The following DIP2B variants were observed in gnomAD, a reference collection of about 807,000 sequenced individuals.
DIP2B encodes DIP2 acetate--CoA ligase B (putative), also known as disco-interacting protein 2 homolog B.
DIP2B carries 76 observed loss-of-function variants against 198.0 expected under a neutral mutation model. The ratio of observed to expected loss-of-function variants is 0.38; its 90% confidence interval spans 0.32 to 0.46. The LOEUF is 0.46. Ranked by LOEUF, DIP2B falls within the 20% of genes least tolerant of loss-of-function variation. The probability of loss-of-function intolerance (pLI) is 0.99; values close to 1 mark genes in which losing one functional copy is unlikely to be tolerated. For synonymous variants in DIP2B, 701 were observed against 739.1 expected, an observed-to-expected ratio of 0.95 and a Z score of 0.84; for missense variants, 1,559 against 1,978.4, an observed-to-expected ratio of 0.79 and a Z score of 4.02.
At chr12:50,655,720 C>T (rs1250922395) in intron 3 of DIP2B, among the ~76,000 whole-genome samples, 1 of 152,194 alleles carries the variant, frequency 6.6e-6, no homozygotes, top group East Asian at 1.9e-4. Flanking sequence ...TGGCTCACGC[C>T]CATAATCCCA....
At chr12:50,658,943 T>C (rs1385776367) in intron 3 of DIP2B, among the ~76,000 whole-genome samples, 1 of 151,964 alleles carries the variant, frequency 6.6e-6, no homozygotes, top group Non-Finnish European at 1.5e-5. Context: ...AAAAATTAGC[T>C]GGGCGTGGTG....
chr12:50,597,290 TAA>T (rs1280961435), intron 1 of DIP2B, among the ~76,000 whole-genome samples: 1 of 152,226 alleles, frequency 6.6e-6, no homozygotes, highest in Admixed American at 6.5e-5. Flanking sequence ...TTAAATCATT[TAA>T]AAAATATTTT....
chr12:50,698,581 A>G lies in DIP2B; in HGVS notation c.2188+114A>G. ...GAACCCTTAATTCAGTACTTAACGC[A>G]TTTAATTTCTCAGAGCCTCTCTAAT... On this transcript the variant is annotated intron_variant, in intron 18 of 37. Coordinates refer to ENST00000301180, the MANE Select transcript of DIP2B (RefSeq NM_173602.3). 5.4e-6 allele frequency: 7 copies of G among 1,292,260 alleles called. No individual in the cohort carries two copies. The South Asian group carries it at 9.0e-5, about 17-fold the overall frequency. The allele number at this position is 1,292,260 out of a possible 1,614,324, so 80.0% of individuals were successfully genotyped here.
rs144053129 is a variant in DIP2B at position 50,734,234 on chromosome 12, C to A, written c.4043+38C>A. On this transcript the variant is annotated intron_variant, in intron 33 of 37. Coordinates refer to ENST00000301180, the MANE Select transcript of DIP2B (RefSeq NM_173602.3). ...TATTAATGCTCCTTTCCTACTAGTT[C>A]CTAAGCATAACAAATTCGGAACCTC... 5 of 1,607,200 alleles carry A rather than the reference C, an allele frequency of 3.1e-6. No homozygotes were observed. In the East Asian group the frequency reaches 1.1e-4, roughly 36 times the overall value.
chr12:50,697,560 T>TTTTA (rs869264552), intron 17 of DIP2B, among the ~76,000 whole-genome samples: 1 of 132,572 alleles, frequency 7.5e-6, no homozygotes, highest in African/African-American at 2.7e-5. Context: ...TTTTTTTTTT[T>TTTTA]AGATAGGATC....
chr12:50,530,663 G>T (rs551366763), intron 1 of DIP2B, among the ~76,000 whole-genome samples: 86 of 152,308 alleles, frequency 5.6e-4, no homozygotes, highest in African/African-American at 2.0e-3. Flanking sequence ...TTAGGGAAGA[G>T]GGAATGAAAA....
chr12:50,594,158 G>A (rs957807025), intron 1 of DIP2B, among the ~76,000 whole-genome samples: 13 of 150,960 alleles, frequency 8.6e-5, no homozygotes, highest in African/African-American at 2.9e-4. Flanking sequence ...TGGCTGGGCT[G>A]GTCTCGAATT....
intron 25 of DIP2B, 54 bp from the exon 26 acceptor site, chr12:50,721,207 GCTGTGCTTATTA>G (rs1939829941): frequency 1.3e-6 from 2 of 1,565,868 alleles, no homozygotes; most frequent in African/African-American, 2.7e-5. Context: ...TGTTGAATTG[GCTGTGCTTATTA>G]CTGTTTATTT....
intron 1 of DIP2B, among the ~76,000 whole-genome samples, chr12:50,533,250 A>G (rs939496244): frequency 1.3e-5 from 2 of 152,262 alleles, no homozygotes; most frequent in Admixed American, 6.5e-5. Flanking sequence ...TCAAGACTAC[A>G]TATTTCTCAT....
At chr12:50,623,018 T>G (rs1937845416) in intron 1 of DIP2B, among the ~76,000 whole-genome samples, 3 of 152,012 alleles carry the variant, frequency 2.0e-5, no homozygotes, top group Admixed American at 2.0e-4. Context: ...CTATGGACCG[T>G]TCGTTCTTAG....
At chr12:50,612,743 T>C (rs534370872) in intron 1 of DIP2B, among the ~76,000 whole-genome samples, 1 of 152,316 alleles carries the variant, frequency 6.6e-6, no homozygotes, top group African/African-American at 2.4e-5. Flanking sequence ...CCATAATAAC[T>C]TTGAAAAGTT....
intron 1 of DIP2B, among the ~76,000 whole-genome samples, chr12:50,596,753 T>TAAAC (rs1958881725): frequency 1.3e-5 from 2 of 151,938 alleles, no homozygotes; most frequent in African/African-American, 4.8e-5. Context: ...AATAAATAAA[T>TAAAC]AAACAGATGA....
In DIP2B at chr12:50,738,156, A is replaced by G. The variant is rs929352731; in HGVS notation, c.4176+1046A>G. On this transcript the variant is annotated intron_variant, in intron 35 of 37. Transcript: ENST00000301180. Reference sequence around the variant, plus strand: ...AGAGATCGAGACCATCCTGGCCAACATGAGGAAACTCCGTCTCTACTAAAA... The same window carrying G: ...AGAGATCGAGACCATCCTGGCCAACGTGAGGAAACTCCGTCTCTACTAAAA... Among the ~76,000 whole-genome samples, 4 of 151,986 alleles carry G rather than the reference A, an allele frequency of 2.6e-5. No individual in the cohort carries two copies. The East Asian group carries it at 7.8e-4, about 29-fold the overall frequency.
intron 1 of DIP2B, among the ~76,000 whole-genome samples, chr12:50,556,618 C>A (rs1365739462): frequency 7.3e-5 from 11 of 150,988 alleles, no homozygotes; most frequent in African/African-American, 2.7e-4. Context: ...CAGTGGCTCA[C>A]TGCAATCTCT....
rs117597872 is a variant in DIP2B at position 50,591,825 on chromosome 12, G to A, written c.101-34151G>A. Reference sequence around the variant, plus strand: ...TTTTGCATTCTGGCTGCTATTTTACGTATCAGGGGACTAAAACGATATTGT... The same window carrying A: ...TTTTGCATTCTGGCTGCTATTTTACATATCAGGGGACTAAAACGATATTGT... On this transcript the variant is annotated intron_variant, in intron 1 of 37. Transcript: ENST00000301180. Among the ~76,000 whole-genome samples, 969 of 150,030 alleles carry A rather than the reference G, an allele frequency of 6.5e-3. 19 individuals are homozygous for A. The highest frequency in any genetic ancestry group is 0.044 in the Admixed American group (666 of 15,064).
chr12:50,542,982 C>T (rs1958340020), intron 1 of DIP2B, among the ~76,000 whole-genome samples: 1 of 152,076 alleles, frequency 6.6e-6, no homozygotes, highest in Admixed American at 6.6e-5. Context: ...ATCCTCCCAC[C>T]TCAGCCTCCT....
At chr12:50,726,235 T>A (rs1039819821) in intron 28 of DIP2B, among the ~76,000 whole-genome samples, 1 of 152,204 alleles carries the variant, frequency 6.6e-6, no homozygotes, top group African/African-American at 2.4e-5. Flanking sequence ...TGAAGAGGTA[T>A]GGCTGGAGCC....
chr12:50,706,785 A>G, intron 21 of DIP2B, 120 bp downstream of exon 21: 6 of 1,204,758 alleles, frequency 5.0e-6, no homozygotes, highest in Non-Finnish European at 6.8e-6. Flanking sequence ...GTTTTTGTTA[A>G]GCATTGCATA....
intron 1 of DIP2B, among the ~76,000 whole-genome samples, chr12:50,619,739 C>A: frequency 6.6e-6 from 1 of 152,180 alleles, no homozygotes; most frequent in East Asian, 1.9e-4. Flanking sequence ...AAGGGAGAGA[C>A]TGTTCCCCAT....
Sources: allele counts gnomAD v4.1 joint callset (sites outside exome capture counted in the v4.1 genomes callset), GRCh38; gene constraint gnomAD v4.1.1; transcripts MANE v1.5; gene names NCBI Gene and HGNC (gene_info 2026-07-23, HGNC 2026-07-21).